Variants in SLC4A5 observed in about 807,000 individuals in gnomAD.
The protein encoded by SLC4A5 is electrogenic sodium bicarbonate cotransporter 4.
A neutral mutation model predicts 120.4 loss-of-function variants in SLC4A5; 96 were observed. That is an observed-to-expected ratio of 0.80 (90% CI 0.68 to 0.94). SLC4A5 has a LOEUF of 0.94. SLC4A5 is among the 40% of genes least tolerant of loss of function. The probability of loss-of-function intolerance (pLI) is 0.00; values close to 1 mark genes in which losing one functional copy is unlikely to be tolerated. For synonymous variants in SLC4A5, 550 were observed against 571.1 expected (o/e 0.96, Z 0.53); for missense variants, 1,259 against 1,459.5 (o/e 0.86, Z 2.24).
At chr2:74,247,228 T>C (rs1190524568) in exon 19 of SLC4A5, 2 of 1,614,222 alleles carry the variant, frequency 1.2e-6, no homozygotes, top group Non-Finnish European at 1.7e-6. Context: ...CTGGCATCTG[T>C]GGCCACTAGG....
intron 7 of SLC4A5, among the ~76,000 whole-genome samples, chr2:74,292,313 C>T (rs1167511731): frequency 6.6e-6 from 1 of 152,172 alleles, no homozygotes; most frequent in Non-Finnish European, 1.5e-5. Flanking sequence ...TCCTTCTCAG[C>T]TTCTAGACTC....
intron 26 of SLC4A5, chr2:74,227,420 A>G (rs531686300): frequency 1.3e-6 from 2 of 1,485,782 alleles, no homozygotes; most frequent in South Asian, 2.5e-5. Flanking sequence ...ACTGTTTAAG[A>G]ATTCTGGGAT....
At chr2:74,223,546 CACA>C (rs1694735056) in intron 28 of SLC4A5, among the ~76,000 whole-genome samples, 1 of 152,224 alleles carries the variant, frequency 6.6e-6, no homozygotes, top group Admixed American at 6.5e-5. Flanking sequence ...ATGAACCTCA[CACA>C]ACAACTGTGT....
chr2:74,285,917 C>T lies in SLC4A5; in HGVS notation c.272-15G>A. The T allele has an allele frequency of 6.3e-7, 1 of 1,579,104 alleles. No homozygotes were observed. Among genetic ancestry groups the T allele is most frequent in the African/African-American group, 1.3e-5 (1 of 74,100 alleles). The stretch of plus-strand genomic sequence containing the variant: ...AGCTGGGGACCCTGCAAAAGAGGGG[C>T]AGCAGGTCTGCTGAGTGTCCCATGG... On this transcript the variant is annotated splice_polypyrimidine_tract_variant and intron_variant, in intron 7 of 30. Coordinates refer to ENST00000394019, the Ensembl canonical transcript of SLC4A5.
At chr2:74,245,011 T>C (rs779156981) in intron 19 of SLC4A5, among the ~76,000 whole-genome samples, 1 of 152,124 alleles carries the variant, frequency 6.6e-6, no homozygotes, top group Non-Finnish European at 1.5e-5. Flanking sequence ...TTTTCCTGTG[T>C]ATAGATGATT....
intron 8 of SLC4A5, among the ~76,000 whole-genome samples, chr2:74,266,526 C>A (rs898693069): frequency 4.6e-5 from 7 of 152,286 alleles, no homozygotes; most frequent in African/African-American, 1.7e-4. Flanking sequence ...ACCTTGGCCT[C>A]CCAAAGTTCT....
chr2:74,335,751 A>C (rs1558919741), intron 3 of SLC4A5, among the ~76,000 whole-genome samples: 1 of 152,202 alleles, frequency 6.6e-6, no homozygotes, highest in Admixed American at 6.5e-5. Flanking sequence ...ACCCTAAAAC[A>C]TCTAGAAATA....
At chr2:74,293,823 A>G (rs1672247890) in intron 7 of SLC4A5, among the ~76,000 whole-genome samples, 1 of 152,228 alleles carries the variant, frequency 6.6e-6, no homozygotes, top group African/African-American at 2.4e-5. Context: ...TCCCCTTTGT[A>G]TGAAATTCTA....
chr2:74,334,833 T>G (rs963581464), intron 3 of SLC4A5, among the ~76,000 whole-genome samples: 1 of 152,174 alleles, frequency 6.6e-6, no homozygotes, highest in Non-Finnish European at 1.5e-5. Context: ...CTTAGGTCAA[T>G]GTCTGGCCCA....
chr2:74,313,049 C>CTTT (rs58455711), intron 6 of SLC4A5, among the ~76,000 whole-genome samples: 7 of 107,972 alleles, frequency 6.5e-5, no homozygotes, highest in East Asian at 2.8e-4. Context: ...CCTTTTTGGT[C>CTTT]TTTTTTTTTT....
chr2:74,308,588 A>C (rs1672718088), intron 6 of SLC4A5, among the ~76,000 whole-genome samples: 1 of 152,134 alleles, frequency 6.6e-6, no homozygotes, highest in East Asian at 1.9e-4. Flanking sequence ...ATTGAGTTTT[A>C]AAAGTTCTTT....
At chr2:74,226,186 G>A (rs752964486) in intron 27 of SLC4A5, among the ~76,000 whole-genome samples, 7 of 151,246 alleles carry the variant, frequency 4.6e-5, no homozygotes, top group Non-Finnish European at 1.0e-4. Flanking sequence ...TGGGCAGCCC[G>A]GGTCAAGAAC....
chr2:74,268,130 T>G (rs577811702), intron 8 of SLC4A5, among the ~76,000 whole-genome samples: 3 of 152,292 alleles, frequency 2.0e-5, no homozygotes, highest in South Asian at 4.1e-4. Context: ...ATAATAATAA[T>G]GTACAGCAAT....
At chr2:74,271,254 G>C (rs1671467060) in intron 8 of SLC4A5, among the ~76,000 whole-genome samples, 1 of 152,130 alleles carries the variant, frequency 6.6e-6, no homozygotes, top group African/African-American at 2.4e-5. Context: ...GCCTCTGCCA[G>C]TTATTCTGCT....
chr2:74,298,276 T>C (rs1389061268), intron 7 of SLC4A5, among the ~76,000 whole-genome samples: 1 of 152,196 alleles, frequency 6.6e-6, no homozygotes, highest in African/African-American at 2.4e-5. Flanking sequence ...CACACATACA[T>C]GGTCAACTAG....
chr2:74,247,707 G>A (rs1670657664), intron 18 of SLC4A5, among the ~76,000 whole-genome samples: 1 of 151,952 alleles, frequency 6.6e-6, no homozygotes, highest in African/African-American at 2.4e-5. Context: ...TAGAGACGGG[G>A]TTTTACCATG....
intron 8 of SLC4A5, among the ~76,000 whole-genome samples, chr2:74,269,375 G>A (rs77802249): frequency 8.1e-6 from 1 of 123,298 alleles, no homozygotes; most frequent in Non-Finnish European, 1.6e-5. Flanking sequence ...CCGGCTGTTT[G>A]TTTTTTGTTT....
chr2:74,240,605 C>T (rs1349658780), intron 20 of SLC4A5, among the ~76,000 whole-genome samples: 1 of 151,738 alleles, frequency 6.6e-6, no homozygotes, highest in African/African-American at 2.4e-5. Flanking sequence ...CTTGTCTCTA[C>T]AAAAAACTTA....
intron 19 of SLC4A5, among the ~76,000 whole-genome samples, chr2:74,243,348 CCTCT>C (rs1253946608): frequency 6.6e-6 from 1 of 152,310 alleles, no homozygotes; most frequent in East Asian, 1.9e-4. Flanking sequence ...GGCCTGCTGC[CCTCT>C]CTCTTCTTCC....
Sources: gnomAD v4.1 joint callset for allele counts (sites outside exome capture counted in the v4.1 genomes callset) on GRCh38, gnomAD v4.1.1 for gene constraint, MANE v1.5 for transcripts, NCBI Gene and HGNC (gene_info 2026-07-23, HGNC 2026-07-21) for gene names.